Variants in APC observed in about 807,000 individuals in gnomAD.
APC encodes APC regulator of Wnt signaling pathway.
In APC, 72 loss-of-function variants were observed where a neutral mutation model predicts 247.0. The ratio of observed to expected loss-of-function variants is 0.29; its 90% CI spans 0.24 to 0.35. APC has a LOEUF of 0.35. APC is among the 10% of genes least tolerant of loss of function. The probability of loss-of-function intolerance (pLI) is 1.00; values close to 1 mark genes in which losing one functional copy is unlikely to be tolerated. For synonymous variants in APC, 1,254 were observed against 1,162.5 expected, an observed-to-expected ratio of 1.08 and a Z score of -1.60; for missense variants, 3,400 against 3,360.7, an observed-to-expected ratio of 1.01 and a Z score of -0.29.
chr5:112,722,676 G>A (rs1348855258), intron 1 of APC, among the ~76,000 whole-genome samples: 2 of 152,022 alleles, frequency 1.3e-5, no homozygotes, highest in Non-Finnish European at 1.5e-5. Flanking sequence ...CAGAACTCAG[G>A]GAAACACTTG....
intron 8 of APC, among the ~76,000 whole-genome samples, chr5:112,809,407 T>C (rs185708909): frequency 4.3e-4 from 65 of 152,052 alleles, no homozygotes; most frequent in African/African-American, 1.4e-3. Flanking sequence ...GATTTGGAAT[T>C]GAGAGGAAAG....
Position 112,819,236 on chromosome 5 carries a change from C to T in APC, c.1204C>T (p.Arg402Cys), listed in dbSNP as rs876660612. Reference sequence around the variant, plus strand: ...ACAGCCTGATGACAAGAGAGGCAGGCGTGAAATCCGAGTCCTTCATCTTTT... The same window carrying T: ...ACAGCCTGATGACAAGAGAGGCAGGTGTGAAATCCGAGTCCTTCATCTTTT... ...HSQPDDKRGR[R>C]EIRVLHLLEQ... Residue 402 changes from arginine (R) to cysteine (C), a missense_variant, in exon 10 of 16, where the codon CGT (arginine) becomes TGT (cysteine). Around this residue, in one of 9 missense-constraint regions of APC, gnomAD observed 199 missense variants for 212.5 expected, o/e 0.94. Transcript: ENST00000257430. The T allele has an allele frequency of 2.5e-6, 4 of 1,613,832 alleles. No individual in the cohort carries two copies. The highest frequency in any genetic ancestry group is 1.1e-5 in the South Asian group (1 of 91,072).
At chr5:112,808,636 C>G (rs1416487700) in intron 8 of APC, among the ~76,000 whole-genome samples, 2 of 152,080 alleles carry the variant, frequency 1.3e-5, no homozygotes, top group East Asian at 3.9e-4. Flanking sequence ...TGAACTCAAA[C>G]TGATCTCAAG....
intron 8 of APC, among the ~76,000 whole-genome samples, chr5:112,805,991 T>C (rs1761336661): frequency 6.6e-6 from 1 of 152,198 alleles, no homozygotes; most frequent in Admixed American, 6.5e-5. Context: ...TTATGTCACA[T>C]CTTGCTCTCA....
chr5:112,786,722 A>G (rs745620366), intron 6 of APC, among the ~76,000 whole-genome samples: 1 of 152,174 alleles, frequency 6.6e-6, no homozygotes, highest in Non-Finnish European at 1.5e-5. Flanking sequence ...AAAAGAAAAC[A>G]GCTCTGATAA....
chr5:112,782,572 A>G (rs1758465369), intron 6 of APC, among the ~76,000 whole-genome samples: 6 of 152,208 alleles, frequency 3.9e-5, no homozygotes, highest in Admixed American at 3.9e-4. Flanking sequence ...TGTACATGTT[A>G]GTTATAATAC....
At chr5:112,823,970 T>TC (rs1379635372) in intron 11 of APC, among the ~76,000 whole-genome samples, 2 of 152,232 alleles carry the variant, frequency 1.3e-5, no homozygotes, top group East Asian at 3.8e-4. Flanking sequence ...AGTAGAATAT[T>TC]CTTGTTGAGC....
intron 1 of APC, among the ~76,000 whole-genome samples, chr5:112,742,311 C>T (rs1753129850): frequency 6.6e-6 from 1 of 152,122 alleles, no homozygotes; most frequent in Non-Finnish European, 1.5e-5. Flanking sequence ...TCCCGTTAAC[C>T]ACAAACACCT....
At chr5:112,755,544 C>T (rs904612407) in intron 2 of APC, among the ~76,000 whole-genome samples, 2 of 152,150 alleles carry the variant, frequency 1.3e-5, no homozygotes, top group Admixed American at 6.5e-5. Context: ...TCTGTATATT[C>T]TTCAGAACTT....
intron 8 of APC, 125 bp from the exon 9 acceptor site, chr5:112,815,370 T>A (rs1035417508): frequency 1.3e-5 from 9 of 677,312 alleles, no homozygotes; most frequent in Non-Finnish European, 5.3e-6. Flanking sequence ...GTTATAATGG[T>A]CATACTTTTA....
upstream of APC, among the ~76,000 whole-genome samples, chr5:112,736,682 G>A (rs567556864): frequency 6.6e-5 from 10 of 152,326 alleles, no homozygotes; most frequent in East Asian, 5.8e-4. Context: ...TGGAGGGACC[G>A]AGGTGGGCGG....
At chr5:112,757,618 C>G (rs879600613) in intron 2 of APC, among the ~76,000 whole-genome samples, 1 of 152,076 alleles carries the variant, frequency 6.6e-6, no homozygotes, top group Non-Finnish European at 1.5e-5. Flanking sequence ...GTGGTCCCAG[C>G]TACTTGGAAG....
intron 8 of APC, among the ~76,000 whole-genome samples, chr5:112,814,870 C>T (rs1328008249): frequency 6.6e-6 from 1 of 152,204 alleles, no homozygotes; most frequent in East Asian, 1.9e-4. Flanking sequence ...CAGTCTCCTC[C>T]GTCAGTCTCC....
chr5:112,754,977 T>G lies in APC; in HGVS notation c.87T>G (p.Asp29Glu), dbSNP rs1561444926. ...CAAATCTTCGACAAGAGCTAGAAGA[T>G]AATTCCAATCATCTTACAAAACTGG... ...ENSNLRQELE[D>E]NSNHLTKLET... The change falls in exon 2 of 16, where the codon GAT becomes GAG. Residue 29 changes from aspartate to glutamate, a missense_variant. Asp to Glu is a conservative substitution (Grantham distance 45). Around this residue, in one of 9 missense-constraint regions of APC, gnomAD observed 372 missense variants for 367.6 expected, o/e 1.01. Coordinates refer to ENST00000257430, the MANE Select transcript of APC (RefSeq NM_000038.6). The G allele has an allele frequency of 6.2e-7, 1 of 1,613,900 alleles. No homozygotes were observed. The highest frequency in any genetic ancestry group is 1.7e-4 in the Middle Eastern group (1 of 6,058).
At chr5:112,746,520 G>A (rs546468782) in intron 1 of APC, among the ~76,000 whole-genome samples, 24 of 152,160 alleles carry the variant, frequency 1.6e-4, no homozygotes, top group Non-Finnish European at 2.9e-4. Context: ...ATGAACAACT[G>A]GGGTTTATTT....
intron 1 of APC, among the ~76,000 whole-genome samples, chr5:112,728,691 GA>G (rs1751935386): frequency 6.6e-6 from 1 of 151,514 alleles, no homozygotes; most frequent in South Asian, 2.1e-4. Flanking sequence ...TTTTTATAAA[GA>G]GTATGACTTA....
At chr5:112,725,623 C>T (rs746455283) in intron 1 of APC, among the ~76,000 whole-genome samples, 2 of 151,612 alleles carry the variant, frequency 1.3e-5, no homozygotes, top group African/African-American at 2.4e-5. Flanking sequence ...TAGCTGGGCT[C>T]AGTAGTGCAG....
At chr5:112,810,596 T>G (rs543208163) in intron 8 of APC, among the ~76,000 whole-genome samples, 6 of 152,312 alleles carry the variant, frequency 3.9e-5, no homozygotes, top group African/African-American at 1.2e-4. Context: ...CAAATTTCTC[T>G]AATGCTGCCT....
rs555389610 is a variant in APC at position 112,845,777 on chromosome 5, T to G, written c.*1651T>G. 1.3e-5 allele frequency: 3 copies of G among 232,124 alleles called. No homozygotes were observed. The highest frequency in any genetic ancestry group is 6.1e-5 in the East Asian group (1 of 16,366). 14.4% of individuals were successfully genotyped at this position (232,124 alleles called of 1,614,324 possible). A position where few individuals can be genotyped will look rare whatever the true frequency, so the allele number is the denominator to read the frequency against. On this transcript the variant is annotated 3_prime_UTR_variant, in exon 16 of 16. Coordinates refer to ENST00000257430, the MANE Select transcript of APC (RefSeq NM_000038.6). Reference sequence around the variant, plus strand: ...CTTAATATATCTTCCCTGATTTGTTTTAAAAGATCAGAGGGTGACTGATGA... The same window carrying G: ...CTTAATATATCTTCCCTGATTTGTTGTAAAAGATCAGAGGGTGACTGATGA...
Sources: allele counts gnomAD v4.1 joint callset (sites outside exome capture counted in the v4.1 genomes callset), GRCh38; gene constraint gnomAD v4.1.1; regional missense constraint gnomAD v4.1.1; transcripts MANE v1.5; gene names NCBI Gene and HGNC (gene_info 2026-07-23, HGNC 2026-07-21).